The following NUMA1 variants were observed in gnomAD, a reference collection of about 807,000 sequenced individuals.
NUMA1 encodes the protein SP-H antigen.
NUMA1 carries 62 observed loss-of-function variants against 237.1 expected under a neutral mutation model. The observed-to-expected ratio is 0.26, with a 90% CI of 0.21 to 0.32. NUMA1 has a LOEUF of 0.32. Ranked by LOEUF, NUMA1 falls within the 10% of genes least tolerant of loss-of-function variation. The pLI, the probability that NUMA1 is intolerant of heterozygous loss-of-function variation, is 1.00. For synonymous variants in NUMA1, 1,028 were observed against 1,066.1 expected (o/e 0.96, Z 0.70); for missense variants, 2,533 against 2,666.5 (o/e 0.95, Z 1.10).
intron 1 of NUMA1, among the ~76,000 whole-genome samples, chr11:72,078,291 T>C (rs73537512): frequency 0.011 from 1,697 of 152,376 alleles, 20 homozygotes; most frequent in African/African-American, 0.039. Flanking sequence ...GTATGTTTAG[T>C]GTACACTGGG....
chr11:72,013,893 T>C lies in NUMA1; in HGVS notation c.3610A>G (p.Lys1204Glu). 6.2e-7 allele frequency: 1 copy of C among 1,614,004 alleles called. No individual in the cohort carries two copies. The highest frequency in any genetic ancestry group is 2.2e-5 in the East Asian group (1 of 44,878). The change falls in exon 15 of 27, where the codon AAG becomes GAG. Residue 1204 changes from lysine to glutamate, a missense_variant. This residue lies in a region of NUMA1 where 1,414 missense variants were observed against 1,508.1 expected (regional missense o/e 0.94). Coordinates refer to ENST00000393695, the MANE Select transcript of NUMA1 (RefSeq NM_006185.4). This position sits in a 1 kb window ranked among gnomAD's most constrained non-coding sequence, Gnocchi z 6.8. ...TGGGCCTTCCACTCATCTTCAGCCT[T>C]GCTGTGGTCTTGTACCTTGGTGCGG... ...AFRTKVQDHS[K>E]AEDEWKAQVA...
intron 3 of NUMA1, among the ~76,000 whole-genome samples, chr11:72,031,910 G>A (rs1565248360): frequency 6.6e-6 from 1 of 151,350 alleles, no homozygotes; most frequent in South Asian, 2.1e-4. Flanking sequence ...AGGGAGAATC[G>A]CTTGAGGCCA....
Position 72,029,247 on chromosome 11 carries a change from T to C in NUMA1, c.86A>G (p.Gln29Arg). ...HVADPVEAVL[Q>R]LQDCSIFIKI... ...GATGAAGATGCTGCAGTCCTGGAGC[T>C]GCAGCACAGCCTCCACAGGGTCAGC... The change falls in exon 4 of 27, where the codon CAG becomes CGG. Residue 29 changes from glutamine to arginine, a missense_variant. This residue lies in a region of NUMA1 where 1,414 missense variants were observed against 1,508.1 expected (regional missense o/e 0.94). Coordinates refer to ENST00000393695, the MANE Select transcript of NUMA1 (RefSeq NM_006185.4). 1 of 1,611,060 alleles carries C rather than the reference T, an allele frequency of 6.2e-7. No homozygotes were observed. Among genetic ancestry groups the C allele is most frequent in the Non-Finnish European group, 8.5e-7 (1 of 1,179,850 alleles).
intron 20 of NUMA1, chr11:72,008,104 T>C: frequency 2.1e-6 from 1 of 479,062 alleles, no homozygotes; most frequent in Non-Finnish European, 4.2e-6. Context: ...CAGAGGGTTG[T>C]TGGGGGACAA....
rs1173653203 is a variant in NUMA1 at position 72,010,801 on chromosome 11, C to A, written c.4704G>T (p.Gln1568His). The change falls in exon 17 of 27, where the codon CAG (glutamine) becomes CAT (histidine). Residue 1568 changes from glutamine (Q) to histidine (H), a missense_variant. By Grantham distance (24) the Gln-to-His change is conservative. This residue lies in a region of NUMA1 where 795 missense variants were observed against 750.8 expected (regional missense o/e 1.06). Coordinates refer to ENST00000393695, the MANE Select transcript of NUMA1 (RefSeq NM_006185.4). ...GCTGCCCCACCTTCAGCTTCTGCTGCTGCACCTTGCTGGCTTGGTCAGAGT... is the reference window on the plus strand; with the variant it reads ...GCTGCCCCACCTTCAGCTTCTGCTGATGCACCTTGCTGGCTTGGTCAGAGT... ...LADSDQASKVQQQKLKAVQAQ... is the reference protein window; with the variant it reads ...LADSDQASKVHQQKLKAVQAQ... 5 of 1,613,744 alleles carry A rather than the reference C, an allele frequency of 3.1e-6. No homozygotes were observed. The highest frequency in any genetic ancestry group is 3.4e-6 in the Non-Finnish European group (4 of 1,179,958).
At chr11:72,077,801 G>T in intron 1 of NUMA1, among the ~76,000 whole-genome samples, 1 of 127,494 alleles carries the variant, frequency 7.8e-6, no homozygotes, top group South Asian at 2.6e-4. Flanking sequence ...GCAACAGAGT[G>T]AGACTCCATC....
chr11:72,038,236 G>C (rs1941270561), intron 2 of NUMA1, among the ~76,000 whole-genome samples: 1 of 152,166 alleles, frequency 6.6e-6, no homozygotes, highest in Non-Finnish European at 1.5e-5. Context: ...AAAATGTCCT[G>C]AGGTTTAACC....
chr11:72,061,497 T>C (rs1032814938), intron 2 of NUMA1, among the ~76,000 whole-genome samples: 18 of 145,420 alleles, frequency 1.2e-4, no homozygotes, highest in Admixed American at 4.8e-4. Flanking sequence ...TTTTTTTTTT[T>C]TTTTTTTTTT....
intron 3 of NUMA1, among the ~76,000 whole-genome samples, chr11:72,031,485 A>G (rs1453156876): frequency 6.6e-6 from 1 of 152,000 alleles, no homozygotes; most frequent in African/African-American, 2.4e-5. Context: ...TTTGAGTTAA[A>G]CACTTTCACA....
chr11:72,004,909 C>T, intron 23 of NUMA1, 93 bp from the exon 24 acceptor site: 1 of 1,255,944 alleles, frequency 8.0e-7, no homozygotes, highest in South Asian at 1.5e-5. Context: ...TCGCCCGACA[C>T]TTATGGTCGG....
chr11:72,031,274 G>T (rs1309744749), intron 3 of NUMA1, among the ~76,000 whole-genome samples: 1 of 151,200 alleles, frequency 6.6e-6, no homozygotes, highest in Non-Finnish European at 1.5e-5. Flanking sequence ...CTGCACTGTG[G>T]CCTGGGCAAC....
chr11:72,061,038 C>T (rs989162495), intron 2 of NUMA1, among the ~76,000 whole-genome samples: 7 of 152,186 alleles, frequency 4.6e-5, no homozygotes, highest in East Asian at 1.9e-4. Context: ...CACTGCACTC[C>T]AGCCTGGCGA....
At chr11:72,033,549 T>C (rs1397636968) in intron 3 of NUMA1, among the ~76,000 whole-genome samples, 10 of 151,976 alleles carry the variant, frequency 6.6e-5, no homozygotes, top group Non-Finnish European at 1.5e-4. Context: ...ATTTTTGTAT[T>C]TTTTGAAGAG....
At chr11:72,035,322 G>A (rs1463111947) in intron 3 of NUMA1, among the ~76,000 whole-genome samples, 1 of 152,142 alleles carries the variant, frequency 6.6e-6, no homozygotes, top group Non-Finnish European at 1.5e-5. Flanking sequence ...AGAGAGTGAT[G>A]AGAACCTTGT....
chr11:72,038,442 T>G (rs1463815022), intron 2 of NUMA1, among the ~76,000 whole-genome samples: 2 of 152,218 alleles, frequency 1.3e-5, no homozygotes, highest in African/African-American at 2.4e-5. Context: ...TCTTCAGTTC[T>G]AAGCCTGTAA....
intron 2 of NUMA1, among the ~76,000 whole-genome samples, chr11:72,064,463 G>A (rs956114300): frequency 4.6e-5 from 7 of 151,444 alleles, no homozygotes; most frequent in Admixed American, 2.0e-4. Context: ...GCAAGGCCCC[G>A]TCTCTGGGGA....
At chr11:72,017,350 G>A (rs143956963) in intron 13 of NUMA1, 3 of 372,122 alleles carry the variant, frequency 8.1e-6, no homozygotes, top group African/African-American at 4.1e-5. Context: ...TCTCATAATA[G>A]GTGATGAGGC....
At chr11:72,005,500 T>C in intron 22 of NUMA1, 131 bp from the exon 23 acceptor site, 1 of 799,480 alleles carries the variant, frequency 1.3e-6, no homozygotes, top group Non-Finnish European at 2.0e-6. Flanking sequence ...TCTGATTCAG[T>C]GCCGCAGGTG....
chr11:72,004,380 G>T, intron 24 of NUMA1, 39 bp from the exon 25 acceptor site: 1 of 1,567,768 alleles, frequency 6.4e-7, no homozygotes. Context: ...AGTAGCAAGA[G>T]GAGTCACATC....
Sources: gnomAD v4.1 joint callset for allele counts (sites outside exome capture counted in the v4.1 genomes callset) on GRCh38, gnomAD v4.1.1 for gene constraint, gnomAD v4.1.1 regional missense constraint, Gnocchi (gnomAD v3.1) non-coding constraint, MANE v1.5 for transcripts, NCBI Gene and HGNC (gene_info 2026-07-23, HGNC 2026-07-21) for gene names.